Variants in KCNQ3 observed in about 807,000 individuals in gnomAD.
KCNQ3 encodes potassium voltage-gated channel subfamily Q member 3.
Under a neutral mutation model 92.5 loss-of-function variants are expected in KCNQ3, and 30 were observed. The ratio of observed to expected loss-of-function variants is 0.32; its 90% CI spans 0.24 to 0.44. KCNQ3 has a LOEUF of 0.44. KCNQ3 is among the 20% of genes least tolerant of loss of function. KCNQ3 has a pLI of 1.00. For synonymous variants in KCNQ3, 450 were observed against 468.8 expected (o/e 0.96, Z 0.52); for missense variants, 913 against 1,140.3 (o/e 0.80, Z 2.87).
chr8:132,245,933 T>C (rs1055719112), intron 1 of KCNQ3, among the ~76,000 whole-genome samples: 4 of 152,176 alleles, frequency 2.6e-5, no homozygotes, highest in African/African-American at 9.6e-5. Context: ...GAGTGCCTGT[T>C]ACAACAAAAT....
chr8:132,391,718 T>G (rs189986691), intron 1 of KCNQ3, among the ~76,000 whole-genome samples: 1 of 152,264 alleles, frequency 6.6e-6, no homozygotes, highest in Admixed American at 6.5e-5. Flanking sequence ...CAAAAATAGC[T>G]ACCCCATTTC....
intron 1 of KCNQ3, among the ~76,000 whole-genome samples, chr8:132,319,564 G>A (rs1407274423): frequency 6.6e-6 from 1 of 152,200 alleles, no homozygotes; most frequent in East Asian, 1.9e-4. Context: ...GGCTGCCCAA[G>A]ACTCTGCAGA....
At chr8:132,320,757 A>G (rs1418632910) in intron 1 of KCNQ3, among the ~76,000 whole-genome samples, 1 of 152,118 alleles carries the variant, frequency 6.6e-6, no homozygotes, top group Non-Finnish European at 1.5e-5. Flanking sequence ...GGCAGGCTTA[A>G]CGAATCCAAG....
At chr8:132,382,091 A>G (rs1006661740) in intron 1 of KCNQ3, among the ~76,000 whole-genome samples, 1 of 152,286 alleles carries the variant, frequency 6.6e-6, no homozygotes, top group Admixed American at 6.5e-5. Context: ...GCCAGAAGGC[A>G]TACTGTAATA....
chr8:132,212,425 T>C (rs758866684), intron 1 of KCNQ3, among the ~76,000 whole-genome samples: 2 of 152,074 alleles, frequency 1.3e-5, no homozygotes, highest in South Asian at 2.1e-4. Flanking sequence ...TCTTCAAGCA[T>C]TGGGAGGCAG....
intron 1 of KCNQ3, among the ~76,000 whole-genome samples, chr8:132,346,852 C>T (rs1451834609): frequency 1.3e-5 from 2 of 152,146 alleles, no homozygotes; most frequent in Admixed American, 1.3e-4. Flanking sequence ...GTAGAGCTGC[C>T]CCAAATACAA....
At chr8:132,309,022 G>C (rs1438012258) in intron 1 of KCNQ3, among the ~76,000 whole-genome samples, 1 of 152,194 alleles carries the variant, frequency 6.6e-6, no homozygotes, top group Non-Finnish European at 1.5e-5. Context: ...GACTGGGAGA[G>C]ACAGACCCAC....
intron 3 of KCNQ3, among the ~76,000 whole-genome samples, chr8:132,180,888 C>G (rs539646433): frequency 6.6e-6 from 1 of 151,512 alleles, no homozygotes; most frequent in African/African-American, 2.4e-5. Flanking sequence ...CTGTTGAGTC[C>G]TTTGAGCTGT....
intron 1 of KCNQ3, among the ~76,000 whole-genome samples, chr8:132,271,300 T>G (rs1816140295): frequency 6.6e-6 from 1 of 152,246 alleles, no homozygotes; most frequent in African/African-American, 2.4e-5. Flanking sequence ...ACCCACATCA[T>G]TGTAAAGTGG....
At position 132,268,554 on chromosome 8, in the gene KCNQ3, G is replaced by A. The variant is rs142892677; in HGVS notation, c.387-82373C>T. Among the ~76,000 whole-genome samples the A allele has an allele frequency of 4.7e-3, 708 of 152,186 alleles. 17 individuals are homozygous for A. The highest frequency in any genetic ancestry group is 0.036 in the Admixed American group (555 of 15,286). On this transcript the variant is annotated intron_variant, in intron 1 of 14. Transcript: ENST00000388996. ...GATTACAGGCATGAGCCACCGCGCCGGCCAGCTCATTTCTTTCTAGTGCTA... is the reference window on the plus strand; with the variant it reads ...GATTACAGGCATGAGCCACCGCGCCAGCCAGCTCATTTCTTTCTAGTGCTA...
intron 1 of KCNQ3, among the ~76,000 whole-genome samples, chr8:132,449,385 G>A (rs1211523492): frequency 6.6e-6 from 1 of 151,926 alleles, no homozygotes; most frequent in Non-Finnish European, 1.5e-5. Context: ...GTGGTCTACA[G>A]TGAACATAGT....
intron 8 of KCNQ3, among the ~76,000 whole-genome samples, chr8:132,165,759 A>G (rs558185943): frequency 3.3e-5 from 5 of 152,224 alleles, no homozygotes; most frequent in Non-Finnish European, 7.3e-5. Flanking sequence ...CTGAGTTCCA[A>G]TCTTTGTTCC....
chr8:132,234,338 G>GTTTTTT (rs756218792), intron 1 of KCNQ3, among the ~76,000 whole-genome samples: 9 of 85,664 alleles, frequency 1.1e-4, no homozygotes, highest in Admixed American at 3.0e-4. Context: ...TCCATGAAAA[G>GTTTTTT]TTTTTTTTTT....
intron 1 of KCNQ3, among the ~76,000 whole-genome samples, chr8:132,465,305 A>T (rs530454293): frequency 2.6e-5 from 4 of 152,354 alleles, no homozygotes; most frequent in African/African-American, 9.6e-5. Context: ...GTATCACAAA[A>T]GCCACTCAGA....
chr8:132,191,601 A>ATGTG (rs35548149), intron 1 of KCNQ3, among the ~76,000 whole-genome samples: 90,482 of 146,700 alleles, frequency 0.62, 28,272 homozygotes, highest in Non-Finnish European at 0.65. Context: ...ATGTGTGTGT[A>ATGTG]TGTGTGTGTA....
chr8:132,394,455 A>AT (rs1394701511), intron 1 of KCNQ3, among the ~76,000 whole-genome samples: 1 of 151,944 alleles, frequency 6.6e-6, no homozygotes, highest in Non-Finnish European at 1.5e-5. Context: ...CACCCCCCAA[A>AT]TTTTTTTTGA....
chr8:132,194,145 C>T (rs149459344), intron 1 of KCNQ3, among the ~76,000 whole-genome samples: 1 of 152,148 alleles, frequency 6.6e-6, no homozygotes, highest in African/African-American at 2.4e-5. Context: ...TGTCTGTCTG[C>T]CATTGAATAG....
chr8:132,244,480 TA>T (rs1815098453), intron 1 of KCNQ3, among the ~76,000 whole-genome samples: 1 of 152,016 alleles, frequency 6.6e-6, no homozygotes, highest in African/African-American at 2.4e-5. Flanking sequence ...AGAGAGGTGT[TA>T]AAAAATATTC....
chr8:132,306,251 T>C (rs1817418559), intron 1 of KCNQ3, among the ~76,000 whole-genome samples: 1 of 152,214 alleles, frequency 6.6e-6, no homozygotes, highest in Non-Finnish European at 1.5e-5. Context: ...GTTCTCAGTG[T>C]TTATGTTTTT....
Sources: allele counts gnomAD v4.1 joint callset (sites outside exome capture counted in the v4.1 genomes callset), GRCh38; gene constraint gnomAD v4.1.1; transcripts MANE v1.5; gene names NCBI Gene and HGNC (gene_info 2026-07-23, HGNC 2026-07-21).